MYT1L: variants seen among roughly 807,000 people sequenced by gnomAD.
The protein encoded by MYT1L is myelin transcription factor 1-like protein.
In MYT1L, 12 loss-of-function variants were observed where a neutral mutation model predicts 126.7. The ratio of observed to expected loss-of-function variants is 0.09; its 90% CI spans 0.06 to 0.15. MYT1L has a LOEUF of 0.15. Among genes scored for constraint, MYT1L ranks in the 10% least tolerant of loss-of-function variants. The pLI is 1.00. For missense variants in MYT1L, 979 were observed against 1,585.2 expected (o/e 0.62, Z 6.49); for synonymous variants, 541 against 604.2 (o/e 0.90, Z 1.53).
chr2:2,309,816 C>T (rs547734318), intron 1 of MYT1L, among the ~76,000 whole-genome samples: 4 of 151,352 alleles, frequency 2.6e-5, no homozygotes, highest in South Asian at 2.1e-4. Context: ...ACTTGCACTT[C>T]GGCATACTCT....
chr2:2,261,523 T>C (rs974782905), intron 2 of MYT1L, among the ~76,000 whole-genome samples: 3 of 152,200 alleles, frequency 2.0e-5, no homozygotes, highest in Admixed American at 2.0e-4. Flanking sequence ...TTATCTTCCA[T>C]TGCCAAGTCC....
At chr2:1,840,612 T>A in intron 20 of MYT1L, 148 bp downstream of exon 20, 2 of 647,094 alleles carry the variant, frequency 3.1e-6, no homozygotes, top group Non-Finnish European at 2.7e-6. Context: ...GGGTCTAAGT[T>A]ATCTGACCTT....
intron 4 of MYT1L, among the ~76,000 whole-genome samples, chr2:1,999,567 T>G (rs1327897791): frequency 6.6e-6 from 1 of 152,100 alleles, no homozygotes; most frequent in Non-Finnish European, 1.5e-5. Context: ...TATTTTTGCA[T>G]AAAAAAGAAA....
Position 1,912,037 on chromosome 2 carries a change from G to T in MYT1L, c.1692C>A (p.Asn564Lys). Residue 564 changes from asparagine (N) to lysine (K), a missense_variant, in exon 12 of 25, where the codon AAC becomes AAA. By Grantham distance (94) the Asn-to-Lys change is moderately conservative (BLOSUM62 0). This residue lies in a region of MYT1L where 82 missense variants were observed against 177.2 expected (regional missense o/e 0.46). Coordinates refer to ENST00000647738, the MANE Select transcript of MYT1L (RefSeq NM_001303052.2). This position sits in a 1 kb window ranked among gnomAD's most constrained non-coding sequence, Gnocchi z 4.3. The stretch of plus-strand genomic sequence containing the variant: ...TGGCTTACCTTCGGTGGGAGTTCCT[G>T]TTGCTGTTGACATGCCCGCGCCCCG... The part of the protein sequence containing the change: ...GCTGRGHVNS[N>K]RNSHRSLSGC... 6.3e-7 allele frequency: 1 copy of T among 1,595,748 alleles called. No individual in the cohort carries two copies. Among genetic ancestry groups the T allele is most frequent in the Non-Finnish European group, 8.6e-7 (1 of 1,167,602 alleles).
At chr2:2,310,759 T>A (rs914770379) in intron 1 of MYT1L, among the ~76,000 whole-genome samples, 8 of 152,208 alleles carry the variant, frequency 5.3e-5, no homozygotes, top group African/African-American at 1.9e-4. Flanking sequence ...TATAAATTTG[T>A]CTTTCCTTCC....
chr2:1,893,087 C>T lies in MYT1L; in HGVS notation c.2033-800G>A, dbSNP rs1004340647. Reference sequence around the variant, plus strand: ...CCTCTCTGTTCCCTGCACTGACCCTCACTGACACGATTCCCACTGCCCAGT... The same window carrying T: ...CCTCTCTGTTCCCTGCACTGACCCTTACTGACACGATTCCCACTGCCCAGT... On this transcript the variant is annotated intron_variant, in intron 14 of 24. Transcript: ENST00000647738. 9.2e-5 allele frequency among the ~76,000 whole-genome samples: 14 copies of T among 152,318 alleles called. 1 individual carries two copies. Among genetic ancestry groups the T allele is most frequent in the African/African-American group, 3.4e-4 (14 of 41,568 alleles).
intron 22 of MYT1L, among the ~76,000 whole-genome samples, chr2:1,803,947 C>T (rs962032118): frequency 1.3e-5 from 2 of 152,178 alleles, no homozygotes; most frequent in African/African-American, 4.8e-5. Flanking sequence ...CAGGCACGTG[C>T]GCCTCGGCGT....
At chr2:1,934,217 T>A (rs566548398) in intron 9 of MYT1L, among the ~76,000 whole-genome samples, 221 of 150,562 alleles carry the variant, frequency 1.5e-3, no homozygotes, top group African/African-American at 5.0e-3. Flanking sequence ...CTCGTGATCC[T>A]CCCGCCTTGG....
At chr2:1,871,617 C>A (rs563574204) in intron 18 of MYT1L, among the ~76,000 whole-genome samples, 3 of 152,306 alleles carry the variant, frequency 2.0e-5, no homozygotes, top group Admixed American at 6.5e-5. Context: ...GATCGAGGGT[C>A]CCTGTGCCCC....
chr2:2,136,738 AATTGG>A (rs2148096757), intron 3 of MYT1L, among the ~76,000 whole-genome samples: 1 of 152,298 alleles, frequency 6.6e-6, no homozygotes, highest in South Asian at 2.1e-4. Context: ...GTTTATACTG[AATTGG>A]CATAAACTGG....
intron 3 of MYT1L, among the ~76,000 whole-genome samples, chr2:2,089,851 C>T (rs2076731946): frequency 6.6e-6 from 1 of 152,202 alleles, no homozygotes; most frequent in African/African-American, 2.4e-5. Flanking sequence ...TAGCCTTGGA[C>T]AAGTCACTTG....
chr2:1,866,758 G>GGGA (rs2045597570), intron 18 of MYT1L, among the ~76,000 whole-genome samples: 9 of 51,952 alleles, frequency 1.7e-4, no homozygotes, highest in African/African-American at 3.4e-4. Context: ...AGAGAGGGAG[G>GGGA]GGGAGAGAGG....
At chr2:1,872,236 C>A (rs2046366213) in intron 18 of MYT1L, among the ~76,000 whole-genome samples, 1 of 152,178 alleles carries the variant, frequency 6.6e-6, no homozygotes, top group Non-Finnish European at 1.5e-5. Flanking sequence ...CCCCAGTCAT[C>A]CACCAGGGCA....
intron 3 of MYT1L, among the ~76,000 whole-genome samples, chr2:2,126,209 C>T (rs185763643): frequency 1.2e-4 from 19 of 152,294 alleles, no homozygotes; most frequent in Admixed American, 9.2e-4. Flanking sequence ...TCTAAGCCCA[C>T]GACTGCCTTT....
intron 21 of MYT1L, among the ~76,000 whole-genome samples, chr2:1,830,553 C>T (rs909187240): frequency 1.3e-5 from 2 of 151,868 alleles, no homozygotes; most frequent in East Asian, 3.9e-4. Context: ...GAAGGGCTCA[C>T]AGGGAGATGG....
intron 2 of MYT1L, among the ~76,000 whole-genome samples, chr2:2,273,213 C>T (rs756175789): frequency 3.0e-4 from 45 of 152,170 alleles, no homozygotes; most frequent in Non-Finnish European, 2.6e-4. Flanking sequence ...ATCGCAGGAC[C>T]TTTCGGCCCT....
At chr2:1,856,643 T>C (rs1013233714) in intron 18 of MYT1L, among the ~76,000 whole-genome samples, 1 of 152,200 alleles carries the variant, frequency 6.6e-6, no homozygotes, top group Admixed American at 6.5e-5. Flanking sequence ...TTCATACGAA[T>C]GTCTTGAAAG....
chr2:1,865,140 A>C (rs2148655803), intron 18 of MYT1L, among the ~76,000 whole-genome samples: 1 of 152,262 alleles, frequency 6.6e-6, no homozygotes, highest in African/African-American at 2.4e-5. Flanking sequence ...CCGGGTACTG[A>C]GTCCCTGGGC....
chr2:2,046,035 C>T (rs1007757341), intron 4 of MYT1L, among the ~76,000 whole-genome samples: 6 of 152,100 alleles, frequency 3.9e-5, no homozygotes, highest in African/African-American at 7.2e-5. Flanking sequence ...CATGGTCTCT[C>T]CGTGAATATG....
Sources: allele counts gnomAD v4.1 joint callset (sites outside exome capture counted in the v4.1 genomes callset), GRCh38; gene constraint gnomAD v4.1.1; regional missense constraint gnomAD v4.1.1; non-coding constraint Gnocchi (gnomAD v3.1); transcripts MANE v1.5; gene names NCBI Gene and HGNC (gene_info 2026-07-23, HGNC 2026-07-21).